The following RFT1 variants were observed in gnomAD, a reference collection of about 807,000 sequenced individuals.
RFT1 encodes RFT1 glycolipid translocator homolog.
A neutral mutation model predicts 62.2 loss-of-function variants in RFT1; 43 were observed. That is an observed-to-expected ratio of 0.69 (90% CI 0.54 to 0.89). The LOEUF is 0.89. Ranked by LOEUF, RFT1 falls within the 40% of genes least tolerant of loss-of-function variation. RFT1 has a pLI of 0.00. For synonymous variants in RFT1, 262 were observed against 264.6 expected (o/e 0.99, Z 0.10); for missense variants, 605 against 649.9 (o/e 0.93, Z 0.75).
chr3:53,129,648 C>A (rs537929022), intron 1 of RFT1, among the ~76,000 whole-genome samples: 5 of 152,200 alleles, frequency 3.3e-5, no homozygotes, highest in African/African-American at 9.6e-5. Context: ...CTGTATCATA[C>A]CTGACAGATG....
intron 1 of RFT1, 118 bp from the exon 2 acceptor site, chr3:53,126,112 T>G (rs1702101972): frequency 1.2e-6 from 1 of 804,970 alleles, no homozygotes; most frequent in Non-Finnish European, 2.1e-6. Context: ...CAGCAGCTTT[T>G]TCATGGAGAC....
downstream of RFT1, among the ~76,000 whole-genome samples, chr3:53,086,977 C>A (rs976960608): frequency 6.6e-6 from 1 of 152,176 alleles, no homozygotes. Context: ...GTGGCTCACG[C>A]CTGTAATCCC....
chr3:53,087,352 T>G (rs1700876726), downstream of RFT1, among the ~76,000 whole-genome samples: 1 of 152,132 alleles, frequency 6.6e-6, no homozygotes, highest in Non-Finnish European at 1.5e-5. Context: ...ATGCTGCCCC[T>G]GATTTCCCAC....
intron 6 of RFT1, among the ~76,000 whole-genome samples, chr3:53,112,777 C>A (rs1410907945): frequency 6.6e-6 from 1 of 152,058 alleles, no homozygotes; most frequent in African/African-American, 2.4e-5. Context: ...CCCAGCGGCA[C>A]CAAATGGCCC....
downstream of RFT1, chr3:53,085,792 G>A (rs1266866777): frequency 6.6e-6 from 1 of 152,200 alleles, no homozygotes; most frequent in Non-Finnish European, 1.5e-5. Flanking sequence ...AAGAAGAATG[G>A]AAAAGTCAAC....
intron 11 of RFT1, 70 bp downstream of exon 11, chr3:53,099,304 GAAAAGCA>G (rs1361008708): frequency 4.0e-5 from 50 of 1,248,920 alleles, no homozygotes; most frequent in Middle Eastern, 3.7e-4. Flanking sequence ...TGTTCAGAAC[GAAAAGCA>G]AAAAGCTTGA....
chr3:53,127,982 G>T (rs1324898571), intron 1 of RFT1, among the ~76,000 whole-genome samples: 1 of 151,816 alleles, frequency 6.6e-6, no homozygotes, highest in Non-Finnish European at 1.5e-5. Flanking sequence ...AAACACTCAA[G>T]AAACCATATA....
At chr3:53,121,624 C>T (rs1238700622) in intron 5 of RFT1, 75 bp downstream of exon 5, 42 of 1,177,550 alleles carry the variant, frequency 3.6e-5, no homozygotes, top group Non-Finnish European at 4.7e-5. Context: ...GCAGACCACA[C>T]GGCGGTGGGA....
chr3:53,083,200 CA>C, the RFT1 span, among the ~76,000 whole-genome samples: 48 of 39,392 alleles, frequency 1.2e-3, no homozygotes, highest in South Asian at 2.5e-3. Flanking sequence ...GATTCCATCT[CA>C]AAAAAAAAAA....
chr3:53,088,675 A>T lies in RFT1; in HGVS notation c.*3228T>A, dbSNP rs1397938759. On this transcript the variant is annotated 3_prime_UTR_variant, in exon 13 of 13. Transcript: ENST00000296292. Reference sequence around the variant, plus strand: ...AGTGAGATCCAGTCTCTACAAAAAAAAATTAGAAATTAGCTGGGTGAGGTA... The same window carrying T: ...AGTGAGATCCAGTCTCTACAAAAAATAATTAGAAATTAGCTGGGTGAGGTA... 1 of 151,422 alleles carries T rather than the reference A, an allele frequency of 6.6e-6. No homozygotes were observed. Among genetic ancestry groups the T allele is most frequent in the African/African-American group, 2.4e-5 (1 of 41,120 alleles). 9.4% of individuals were successfully genotyped at this position (151,422 alleles called of 1,614,324 possible).
the RFT1 span, chr3:53,078,091 G>A: frequency 3.3e-5 from 5 of 152,394 alleles, no homozygotes; most frequent in South Asian, 2.1e-4. Context: ...GCTGAGAGGC[G>A]GTGAAGTTCA....
At chr3:53,072,604 C>G in the RFT1 span, among the ~76,000 whole-genome samples, 12 of 152,208 alleles carry the variant, frequency 7.9e-5, no homozygotes, top group Admixed American at 2.6e-4. Flanking sequence ...ATGTAGGAGC[C>G]AGGCACTGTC....
At position 53,130,414 on chromosome 3, in the gene RFT1, G is replaced by T; in HGVS notation, c.-14C>A. On this transcript the variant is annotated 5_prime_UTR_variant, in exon 1 of 13. In the 5' UTR this introduces an upstream ATG that the reference lacks. Transcript: ENST00000296292. ...CTGGCTGCCCATAGCCTCCGCGCCAGGCTCAGACACCAGGAAATGCCGCCG... is the reference window on the plus strand; with the variant it reads ...CTGGCTGCCCATAGCCTCCGCGCCATGCTCAGACACCAGGAAATGCCGCCG... 1 of 1,551,352 alleles carries T rather than the reference G, an allele frequency of 6.4e-7. No individual in the cohort carries two copies. Among genetic ancestry groups the T allele is most frequent in the Non-Finnish European group, 8.7e-7 (1 of 1,147,418 alleles).
At chr3:53,087,206 C>CA (rs1311778639), downstream of RFT1, among the ~76,000 whole-genome samples, 1 of 152,228 alleles carries the variant, frequency 6.6e-6, no homozygotes, top group African/African-American at 2.4e-5. Context: ...CACTGCACTC[C>CA]AGCCCGGGCA....
intron 3 of RFT1, among the ~76,000 whole-genome samples, 154 bp downstream of exon 3, chr3:53,123,570 C>T (rs1345987393): frequency 7.2e-5 from 11 of 152,238 alleles, no homozygotes; most frequent in African/African-American, 2.7e-4. Flanking sequence ...TTGACACAAA[C>T]ACTGTCCCCG....
the RFT1 span, among the ~76,000 whole-genome samples, chr3:53,072,539 G>T: frequency 2.0e-5 from 3 of 152,160 alleles, no homozygotes; most frequent in African/African-American, 7.2e-5. Flanking sequence ...TCTCCTAATT[G>T]CTCCTCTACC....
the RFT1 span, among the ~76,000 whole-genome samples, chr3:53,068,177 C>T: frequency 6.6e-6 from 1 of 152,166 alleles, no homozygotes; most frequent in Non-Finnish European, 1.5e-5. Context: ...ACCCTCACAA[C>T]TGCACCCAAT....
rs1575477131 is a variant in RFT1 at position 53,090,737 on chromosome 3, G to C, written c.*1166C>G. 6.6e-6 allele frequency: 1 copy of C among 152,104 alleles called. No homozygotes were observed. The highest frequency in any genetic ancestry group is 2.4e-5 in the African/African-American group (1 of 41,400). 9.4% of individuals were successfully genotyped at this position (152,104 alleles called of 1,614,324 possible). ...ATAGTTTGTGCATATAGTTCTGAGGGGGGTTAATATCTAAAAGGAATTAAT... is the reference window on the plus strand; with the variant it reads ...ATAGTTTGTGCATATAGTTCTGAGGCGGGTTAATATCTAAAAGGAATTAAT... On this transcript the variant is annotated 3_prime_UTR_variant, in exon 13 of 13. Transcript: ENST00000296292.
chr3:53,119,047 C>T (rs904273063), intron 6 of RFT1, among the ~76,000 whole-genome samples: 6 of 151,222 alleles, frequency 4.0e-5, no homozygotes, highest in African/African-American at 1.5e-4. Flanking sequence ...CCTGTCTCTA[C>T]AAAAAAAAAT....
Sources: allele counts gnomAD v4.1 joint callset (sites outside exome capture counted in the v4.1 genomes callset), GRCh38; gene constraint gnomAD v4.1.1; transcripts MANE v1.5; gene names NCBI Gene and HGNC (gene_info 2026-07-23, HGNC 2026-07-21).